The following NGFR variants were observed in gnomAD, a reference collection of about 807,000 sequenced individuals.
The protein encoded by NGFR is tumor necrosis factor receptor superfamily member 16.
A neutral mutation model predicts 43.2 loss-of-function variants in NGFR; 30 were observed. That is an observed-to-expected ratio of 0.69 (90% CI 0.52 to 0.94). The LOEUF (loss-of-function observed/expected upper bound fraction) is 0.94. NGFR is among the 40% of genes least tolerant of loss of function. NGFR has a pLI of 0.00. For missense variants in NGFR, 529 were observed against 602.5 expected (o/e 0.88, Z 1.28); for synonymous variants, 246 against 259.6 (o/e 0.95, Z 0.50).
intron 3 of NGFR, among the ~76,000 whole-genome samples, chr17:49,508,896 G>A (rs1031971697): frequency 7.9e-5 from 12 of 152,254 alleles, no homozygotes; most frequent in East Asian, 1.9e-4. Flanking sequence ...TTGGGCACCC[G>A]GACATGTACA....
rs1278252847 is a variant in NGFR at position 49,506,141 on chromosome 17, T to A, written c.209-158T>A. 4 of 1,374,648 alleles carry A rather than the reference T, an allele frequency of 2.9e-6. No individual in the cohort carries two copies. The South Asian group carries it at 6.9e-5, about 24-fold the overall frequency. The allele number at this position is 1,374,648 out of a possible 1,614,324, so 85.2% of individuals were successfully genotyped here. ...TTGGCTGCCACCAACTTTCACAGGC[T>A]AGGGGTCAGGGTCCCTTGGAAGAGG... On this transcript the variant is annotated intron_variant, in intron 2 of 5. Transcript: ENST00000172229.
chr17:49,506,699 G>C, intron 3 of NGFR, 41 bp downstream of exon 3: 1 of 402,094 alleles, frequency 2.5e-6, no homozygotes, highest in Non-Finnish European at 4.3e-6. Flanking sequence ...GGGGTGCGGG[G>C]GTGGGCTGGG....
chr17:49,502,018 C>CCCCCCCCATA, intron 1 of NGFR, 45 bp from the exon 2 acceptor site: 1 of 1,320,364 alleles, frequency 7.6e-7, no homozygotes, highest in Non-Finnish European at 1.0e-6. Flanking sequence ...CAACCCACCC[C>CCCCCCCCATA]AGCTTTCTCT....
chr17:49,509,021 C>G (rs1356890485), intron 3 of NGFR, among the ~76,000 whole-genome samples: 1 of 152,200 alleles, frequency 6.6e-6, no homozygotes. Flanking sequence ...AGACCCTCCC[C>G]AGTCCAATGC....
intron 1 of NGFR, 68 bp from the exon 2 acceptor site, chr17:49,501,995 G>C: frequency 1.5e-6 from 1 of 689,316 alleles, no homozygotes; most frequent in Non-Finnish European, 2.4e-6. Context: ...TGATTCCCCG[G>C]AAGAACCCCC....
rs1018512647 is a variant in NGFR, at chr17:49,495,531, T to A, written c.66+48T>A. The A allele has an allele frequency of 1.6e-6, 2 of 1,213,012 alleles. No homozygotes were observed. Among genetic ancestry groups the A allele is most frequent in the African/African-American group, 3.1e-5 (2 of 64,034 alleles). 75.1% of individuals were successfully genotyped at this position (1,213,012 alleles called of 1,614,324 possible). A position where few individuals can be genotyped will look rare whatever the true frequency, so the allele number is the denominator to read the frequency against. On this transcript the variant is annotated intron_variant, in intron 1 of 5. Transcript: ENST00000172229. This position sits in a 1 kb window ranked among gnomAD's most constrained non-coding sequence, Gnocchi z 6.4. ...CCGCTCCCTTTCCCGGGATCAGAACTCCGAGAAGAGCCGGGCGCCGCCACC... is the reference window on the plus strand; with the variant it reads ...CCGCTCCCTTTCCCGGGATCAGAACACCGAGAAGAGCCGGGCGCCGCCACC...
intron 4 of NGFR, among the ~76,000 whole-genome samples, chr17:49,511,442 C>T (rs1252744924): frequency 1.3e-5 from 2 of 151,972 alleles, no homozygotes; most frequent in South Asian, 2.1e-4. Context: ...TGTAGATTAG[C>T]TGATCATTTG....
At chr17:49,496,563 GAGGCGGC>G (rs1320065738) in intron 1 of NGFR, 1 of 152,280 alleles carries the variant, frequency 6.6e-6, no homozygotes, top group Admixed American at 6.5e-5. Flanking sequence ...ACGCAGGCGG[GAGGCGGC>G]AGGCAGGGGG....
chr17:49,506,684 G>C (rs1022026107), intron 3 of NGFR, 26 bp downstream of exon 3: 1 of 1,133,722 alleles, frequency 8.8e-7, no homozygotes, highest in South Asian at 1.9e-5. Flanking sequence ...GGGGCGGGGG[G>C]AGTGGGGGTG....
In NGFR at chr17:49,513,230, T is replaced by C. The variant is rs2071246886; in HGVS notation, c.*221T>C. 1.9e-6 allele frequency: 1 copy of C among 536,836 alleles called. No individual in the cohort carries two copies. The highest frequency in any genetic ancestry group is 3.1e-5 in the East Asian group (1 of 32,120). The allele number at this position is 536,836 out of a possible 1,614,324, so 33.3% of individuals were successfully genotyped here. A position where few individuals can be genotyped will look rare whatever the true frequency, so the allele number is the denominator to read the frequency against. ...CACACTTCCTGTCCAGAGAGAGAAG[T>C]GCCCCTGCTGCCTCCCCAACCCTGC... On this transcript the variant is annotated 3_prime_UTR_variant, in exon 6 of 6. Transcript: ENST00000172229.
At chr17:49,506,795 C>T in intron 3 of NGFR, 137 bp downstream of exon 3, 3 of 785,530 alleles carry the variant, frequency 3.8e-6, no homozygotes, top group South Asian at 1.9e-5. Flanking sequence ...GCAGCGTGCA[C>T]CTTCCCTGAG....
At position 49,510,437 on chromosome 17, in the gene NGFR, G is replaced by T; in HGVS notation, c.594G>T (p.Arg198=). Residue 198 remains arginine (R), a synonymous_variant, in exon 4 of 6, where the codon CGG becomes CGT. Coordinates refer to ENST00000172229, the MANE Select transcript of NGFR (RefSeq NM_002507.4). ...AGATCCCTGGCCGTTGGATTACACG[G>T]TCCACACCCCCAGAGGGCTCGGACA... The part of the protein sequence containing the change: ...CEEIPGRWIT[R]STPPEGSDST... The T allele has an allele frequency of 6.2e-7, 1 of 1,613,908 alleles. No homozygotes were observed. Among genetic ancestry groups the T allele is most frequent in the Non-Finnish European group, 8.5e-7 (1 of 1,179,956 alleles).
At position 49,512,083 on chromosome 17, in the gene NGFR, G is replaced by A. The variant is rs369075706; in HGVS notation, c.982+31G>A. The stretch of plus-strand genomic sequence containing the variant: ...CAGCGGCCCGCTGGGGAGCTGAGGC[G>A]GAGCTGAGGCTGAGGAAACAGAAGC... On this transcript the variant is annotated intron_variant, in intron 5 of 5. Coordinates refer to ENST00000172229, the MANE Select transcript of NGFR (RefSeq NM_002507.4). This position sits in a 1 kb window ranked among gnomAD's most constrained non-coding sequence, Gnocchi z 5.2. The A allele has an allele frequency of 5.5e-5, 88 of 1,604,786 alleles. No homozygotes were observed. In the Middle Eastern group the frequency reaches 9.5e-4, roughly 17 times the overall value.
chr17:49,507,605 G>A (rs987241081), intron 3 of NGFR, among the ~76,000 whole-genome samples: 44 of 152,194 alleles, frequency 2.9e-4, no homozygotes, highest in African/African-American at 9.9e-4. Context: ...GGTTGGTGAC[G>A]TCCGTCTCAG....
chr17:49,502,243 T>C lies in NGFR; in HGVS notation c.208+39T>C, dbSNP rs372409339. On this transcript the variant is annotated intron_variant, in intron 2 of 5. Transcript: ENST00000172229. ...GGCGGGCAGGAGGAGGGGAGAAGAA[T>C]GGGAGGGAGGAGAGGGGTGAAAGGG... 11 of 1,551,778 alleles carry C rather than the reference T, an allele frequency of 7.1e-6. No individual in the cohort carries two copies. The African/African-American group carries it at 9.5e-5, about 13-fold the overall frequency.
At chr17:49,507,968 T>C (rs2071209746) in intron 3 of NGFR, among the ~76,000 whole-genome samples, 1 of 152,208 alleles carries the variant, frequency 6.6e-6, no homozygotes, top group African/African-American at 2.4e-5. Flanking sequence ...TCCAGTCTGA[T>C]AGGGGCTCCA....
In NGFR at chr17:49,513,344, A is replaced by C; in HGVS notation, c.*335A>C. 247 of 299,966 alleles carry C rather than the reference A, an allele frequency of 8.2e-4. No homozygotes were observed. Among genetic ancestry groups the C allele is most frequent in the East Asian group, 1.4e-3 (22 of 15,308 alleles). 18.6% of individuals were successfully genotyped at this position (299,966 alleles called of 1,614,324 possible). On this transcript the variant is annotated 3_prime_UTR_variant, in exon 6 of 6. Transcript: ENST00000172229. ...CCTCCCACCACAGCAGGTGTCATAT[A>C]TGGGGGGCCAACACCAGGGATGGTA...
intron 4 of NGFR, chr17:49,510,939 A>C: frequency 1.5e-5 from 7 of 452,280 alleles, no homozygotes; most frequent in Non-Finnish European, 2.8e-5. Flanking sequence ...CCCACCCCCA[A>C]CTGCTTGTGT....
At position 49,514,101 on chromosome 17, in the gene NGFR, T is replaced by A. The variant is rs755050768; in HGVS notation, c.*1092T>A. 1 of 152,568 alleles carries A rather than the reference T, an allele frequency of 6.6e-6. No individual in the cohort carries two copies. 9.5% of individuals were successfully genotyped at this position (152,568 alleles called of 1,614,324 possible). On this transcript the variant is annotated 3_prime_UTR_variant, in exon 6 of 6. Transcript: ENST00000172229. ...AGAAATCTCACTTTTCTCCATGAGTTTTTTCTCTTGGGCTGAGACTGGATA... is the reference window on the plus strand; with the variant it reads ...AGAAATCTCACTTTTCTCCATGAGTATTTTCTCTTGGGCTGAGACTGGATA...
Sources: allele counts gnomAD v4.1 joint callset (sites outside exome capture counted in the v4.1 genomes callset), GRCh38; gene constraint gnomAD v4.1.1; non-coding constraint Gnocchi (gnomAD v3.1); transcripts MANE v1.5; gene names NCBI Gene and HGNC (gene_info 2026-07-23, HGNC 2026-07-21).